LSAMP: variants seen among roughly 807,000 people sequenced by gnomAD.
LSAMP encodes limbic system associated membrane protein, also known as limbic system-associated membrane protein.
Under a neutral mutation model 38.6 loss-of-function variants are expected in LSAMP, and 7 were observed. The ratio of observed to expected loss-of-function variants is 0.18; its 90% CI spans 0.10 to 0.34. The LOEUF (loss-of-function observed/expected upper bound fraction) is 0.34. LSAMP is among the 10% of genes least tolerant of loss of function. LSAMP has a pLI of 1.00. For missense variants in LSAMP, 313 were observed against 420.0 expected (o/e 0.75, Z 2.23); for synonymous variants, 154 against 166.8 (o/e 0.92, Z 0.59).
At chr3:116,279,621 G>T (rs980020137) in intron 1 of LSAMP, among the ~76,000 whole-genome samples, 1 of 151,888 alleles carries the variant, frequency 6.6e-6, no homozygotes, top group Non-Finnish European at 1.5e-5. Context: ...CAATATTCTT[G>T]GTTATTATAT....
intron 1 of LSAMP, among the ~76,000 whole-genome samples, chr3:116,444,620 C>G (rs1481933493): frequency 6.6e-6 from 1 of 151,714 alleles, no homozygotes; most frequent in Non-Finnish European, 1.5e-5. Flanking sequence ...TCCTAAGAAC[C>G]GAACAACATT....
intron 3 of LSAMP, among the ~76,000 whole-genome samples, chr3:115,915,735 C>T (rs1364246238): frequency 2.6e-5 from 4 of 151,924 alleles, no homozygotes; most frequent in African/African-American, 9.7e-5. Context: ...CGGGTTCAAG[C>T]GATTCTCCTG....
At chr3:115,948,050 G>A (rs1938159634) in intron 3 of LSAMP, among the ~76,000 whole-genome samples, 2 of 152,196 alleles carry the variant, frequency 1.3e-5, no homozygotes, top group South Asian at 4.1e-4. Context: ...CCTAGCATGA[G>A]AGTGTGCAAT....
intron 1 of LSAMP, among the ~76,000 whole-genome samples, chr3:116,221,839 A>C (rs2046289300): frequency 1.2e-5 from 1 of 80,762 alleles, no homozygotes; most frequent in African/African-American, 4.6e-5. Context: ...GTGATCCTAA[A>C]AAGAAGTGTG....
intron 1 of LSAMP, among the ~76,000 whole-genome samples, chr3:116,305,932 G>GC (rs989326912): frequency 2.2e-4 from 10 of 44,874 alleles, no homozygotes; most frequent in Non-Finnish European, 4.9e-4. Flanking sequence ...TTATTTCAGT[G>GC]CTTTTTTTTT....
chr3:116,427,956 A>C (rs2049225853), intron 1 of LSAMP, among the ~76,000 whole-genome samples: 1 of 152,218 alleles, frequency 6.6e-6, no homozygotes, highest in Non-Finnish European at 1.5e-5. Context: ...TGAATACCTG[A>C]TAGTCTTTCA....
chr3:116,139,915 A>G (rs1709334351), intron 1 of LSAMP, among the ~76,000 whole-genome samples: 2 of 151,982 alleles, frequency 1.3e-5, no homozygotes, highest in Admixed American at 6.6e-5. Flanking sequence ...TGTAGAATTT[A>G]TGGCCTACTT....
chr3:115,806,773 T>C lies in LSAMP; in HGVS notation c.*3544A>G, dbSNP rs903778574. 1 of 152,198 alleles carries C rather than the reference T, an allele frequency of 6.6e-6. No homozygotes were observed. Among genetic ancestry groups the C allele is most frequent in the Non-Finnish European group, 1.5e-5 (1 of 68,032 alleles). The allele number at this position is 152,198 out of a possible 1,614,324, so 9.4% of individuals were successfully genotyped here. A position where few individuals can be genotyped will look rare whatever the true frequency, so the allele number is the denominator to read the frequency against. ...TGCTTTTCTATAAGCCTTAGTTCTT[T>C]TAAGACATGGGGATTTCATGTCTCG... is the stretch of plus-strand genomic sequence containing the variant. On this transcript the variant is annotated 3_prime_UTR_variant, in exon 7 of 7. Transcript: ENST00000490035.
intron 2 of LSAMP, 62 bp downstream of exon 2, chr3:116,086,262 A>T (rs945391047): frequency 8.1e-7 from 1 of 1,227,946 alleles, no homozygotes; most frequent in Non-Finnish European, 1.2e-6. Context: ...AATATTTTGT[A>T]CATTATTATT....
chr3:116,133,484 A>G (rs907072330), intron 1 of LSAMP, among the ~76,000 whole-genome samples: 4 of 151,614 alleles, frequency 2.6e-5, no homozygotes, highest in Non-Finnish European at 5.9e-5. Context: ...ATATATACAT[A>G]TATTTTTTGG....
intron 3 of LSAMP, among the ~76,000 whole-genome samples, chr3:115,980,420 G>C (rs546539438): frequency 4.6e-5 from 7 of 152,024 alleles, no homozygotes; most frequent in Non-Finnish European, 1.0e-4. Flanking sequence ...AGGAAAATAA[G>C]CCCTATGGTG....
At chr3:116,238,206 G>A (rs2046489548) in intron 1 of LSAMP, among the ~76,000 whole-genome samples, 1 of 152,112 alleles carries the variant, frequency 6.6e-6, no homozygotes, top group African/African-American at 2.4e-5. Context: ...CAGGCCTTCT[G>A]GGGCTTTTAC....
At chr3:116,138,556 A>G (rs17698536) in intron 1 of LSAMP, among the ~76,000 whole-genome samples, 8,157 of 152,066 alleles carry the variant, frequency 0.054, 287 homozygotes, top group Middle Eastern at 0.16. Flanking sequence ...GTTGTCAGAG[A>G]TGCCATGGCA....
At chr3:116,162,839 T>G (rs1404174851) in intron 1 of LSAMP, among the ~76,000 whole-genome samples, 1 of 151,600 alleles carries the variant, frequency 6.6e-6, no homozygotes, top group African/African-American at 2.4e-5. Flanking sequence ...TGTCCCAGCC[T>G]TGATAAATAT....
intron 1 of LSAMP, among the ~76,000 whole-genome samples, chr3:116,096,443 C>T (rs564121813): frequency 7.9e-5 from 12 of 152,324 alleles, no homozygotes; most frequent in Non-Finnish European, 1.8e-4. Flanking sequence ...TGTCTTGCAT[C>T]TGATAGCCCC....
chr3:115,928,976 T>TG lies in LSAMP; in HGVS notation c.515-76360_515-76359insC, dbSNP rs201271339. 2.6e-3 allele frequency among the ~76,000 whole-genome samples: 293 copies of TG among 114,156 alleles called. 2 individuals carry two copies. The highest frequency in any genetic ancestry group is 0.014 in the Middle Eastern group (3 of 218). 74.9% of individuals were successfully genotyped at this position (114,156 alleles called of 152,430 possible). A position where few individuals can be genotyped will look rare whatever the true frequency, so the allele number is the denominator to read the frequency against. ...TTATCATGCAGGTTTTTTGTTTGTT[T>TG]TTTTTTTTTTTTTTGCTTGTTTTAT... On this transcript the variant is annotated intron_variant, in intron 3 of 6. Transcript: ENST00000490035.
intron 1 of LSAMP, among the ~76,000 whole-genome samples, chr3:116,241,894 C>T (rs1297127659): frequency 6.6e-6 from 1 of 152,316 alleles, no homozygotes; most frequent in South Asian, 2.1e-4. Flanking sequence ...GGGGGTGTAA[C>T]CCTATGCAGA....
At chr3:115,893,122 G>T (rs1278090810) in intron 3 of LSAMP, among the ~76,000 whole-genome samples, 1 of 151,894 alleles carries the variant, frequency 6.6e-6, no homozygotes, top group Non-Finnish European at 1.5e-5. Context: ...ACAGGGAGGG[G>T]AATATCACAC....
intron 3 of LSAMP, among the ~76,000 whole-genome samples, chr3:115,908,517 C>T (rs1469549747): frequency 6.6e-6 from 1 of 152,100 alleles, no homozygotes; most frequent in African/African-American, 2.4e-5. Flanking sequence ...AAGTGGAGTC[C>T]TGTTCTGATC....
Sources: gnomAD v4.1 joint callset for allele counts (sites outside exome capture counted in the v4.1 genomes callset) on GRCh38, gnomAD v4.1.1 for gene constraint, MANE v1.5 for transcripts, NCBI Gene and HGNC (gene_info 2026-07-23, HGNC 2026-07-21) for gene names.